Variants in PSMA1 observed in about 807,000 individuals in gnomAD.
PSMA1 encodes the protein proteasome 20S subunit alpha 1.
Under a neutral mutation model 38.4 loss-of-function variants are expected in PSMA1, and 3 were observed. The observed-to-expected ratio is 0.08, with a 90% CI of 0.04 to 0.20. The LOEUF (loss-of-function observed/expected upper bound fraction) is 0.20. Among genes scored for constraint, PSMA1 ranks in the 10% least tolerant of loss-of-function variants. PSMA1 has a pLI of 1.00. For missense variants in PSMA1, 227 were observed against 325.3 expected (o/e 0.70, Z 2.32); for synonymous variants, 101 against 107.1 (o/e 0.94, Z 0.35).
intron 2 of PSMA1, among the ~76,000 whole-genome samples, chr11:14,555,260 C>G (rs908118713): frequency 6.6e-6 from 1 of 152,180 alleles, no homozygotes; most frequent in Non-Finnish European, 1.5e-5. Context: ...TTTATGCTTG[C>G]TGCTAAAAAG....
chr11:14,505,299 T>C (rs1206078322), intron 9 of PSMA1, 51 bp from the exon 10 acceptor site: 7 of 1,362,000 alleles, frequency 5.1e-6, no homozygotes, highest in Non-Finnish European at 6.3e-6. Flanking sequence ...ACTTGATCAA[T>C]ATACACATCT....
intron 1 of PSMA1, among the ~76,000 whole-genome samples, chr11:14,639,880 C>T (rs371438094): frequency 6.6e-6 from 1 of 152,160 alleles, no homozygotes; most frequent in Non-Finnish European, 1.5e-5. Context: ...ACCTGCTACT[C>T]CTACTGTAGT....
At chr11:14,532,878 C>A (rs957624499) in intron 2 of PSMA1, among the ~76,000 whole-genome samples, 11 of 149,836 alleles carry the variant, frequency 7.3e-5, no homozygotes, top group African/African-American at 2.5e-4. Context: ...GGTGACAGAG[C>A]AAGACTCTGT....
intron 2 of PSMA1, among the ~76,000 whole-genome samples, chr11:14,607,209 T>G (rs146369414): frequency 2.7e-4 from 41 of 152,352 alleles, no homozygotes; most frequent in African/African-American, 9.1e-4. Context: ...AAAGAAACAC[T>G]GGAGTAGAGG....
chr11:14,507,556 A>G lies in PSMA1; in HGVS notation c.735+100T>C. ...CTGTTGCCATTTGAATTATGGGCCCATTTCAATATTTAAGACAAAATGGAA... is the reference window on the plus strand; with the variant it reads ...CTGTTGCCATTTGAATTATGGGCCCGTTTCAATATTTAAGACAAAATGGAA... On this transcript the variant is annotated intron_variant, in intron 9 of 9. Transcript: ENST00000396394. 8.6e-6 allele frequency: 7 copies of G among 816,378 alleles called. No homozygotes were observed. The South Asian group carries it at 1.1e-4, about 13-fold the overall frequency. 50.6% of individuals were successfully genotyped at this position (816,378 alleles called of 1,614,324 possible).
chr11:14,600,119 T>C (rs1291385631), intron 2 of PSMA1, among the ~76,000 whole-genome samples: 3 of 152,156 alleles, frequency 2.0e-5, no homozygotes, highest in Admixed American at 2.0e-4. Flanking sequence ...TCTGGAAGCT[T>C]CGTCCCAGAG....
At chr11:14,638,543 CTCTATATATATATATA>C (rs1394851029) in intron 1 of PSMA1, among the ~76,000 whole-genome samples, 80 of 13,298 alleles carry the variant, frequency 6.0e-3, no homozygotes, top group East Asian at 0.013. Context: ...CTCTCTCTCT[CTCTATATATATATATA>C]TATATATATA....
chr11:14,621,517 C>A (rs1852843256), intron 1 of PSMA1, among the ~76,000 whole-genome samples: 2 of 152,076 alleles, frequency 1.3e-5, no homozygotes, highest in Non-Finnish European at 2.9e-5. Flanking sequence ...GCTGTCCTCC[C>A]ACCTTGGCCT....
chr11:14,553,236 TC>T (rs1258820374), intron 2 of PSMA1, among the ~76,000 whole-genome samples: 2 of 152,116 alleles, frequency 1.3e-5, no homozygotes, highest in African/African-American at 4.8e-5. Context: ...TTATCCTGTT[TC>T]CCCCAATGGT....
intron 2 of PSMA1, among the ~76,000 whole-genome samples, chr11:14,576,804 CA>C (rs1852222718): frequency 6.6e-6 from 1 of 152,104 alleles, no homozygotes; most frequent in African/African-American, 2.4e-5. Context: ...TAGTTTTTTC[CA>C]ATTCTGTGAA....
chr11:14,570,335 G>T (rs1404795098), intron 2 of PSMA1, among the ~76,000 whole-genome samples: 1 of 152,212 alleles, frequency 6.6e-6, no homozygotes, highest in South Asian at 2.1e-4. Flanking sequence ...CTCCTCACCA[G>T]CAATGGAACA....
intron 2 of PSMA1, among the ~76,000 whole-genome samples, chr11:14,535,508 A>G (rs895093094): frequency 1.3e-5 from 2 of 149,256 alleles, no homozygotes; most frequent in Non-Finnish European, 3.0e-5. Flanking sequence ...CAATGGCACG[A>G]TCTCGGCTCA....
At chr11:14,638,567 ATATATATATATATATATATTTTTTTTT>A (rs1853151139) in intron 1 of PSMA1, among the ~76,000 whole-genome samples, 2 of 14,368 alleles carry the variant, frequency 1.4e-4, no homozygotes, top group East Asian at 1.8e-3. Context: ...ATATATATAT[ATATATATATATATATATATTTTTTTTT>A]TTTTTTTTTT....
At chr11:14,613,638 G>A (rs575412712) in intron 1 of PSMA1, among the ~76,000 whole-genome samples, 1 of 152,266 alleles carries the variant, frequency 6.6e-6, no homozygotes, top group African/African-American at 2.4e-5. Flanking sequence ...CTATATTTCT[G>A]AGATTTCAAA....
chr11:14,516,596 GCT>G (rs1401230133), intron 4 of PSMA1, among the ~76,000 whole-genome samples: 1 of 152,092 alleles, frequency 6.6e-6, no homozygotes, highest in Non-Finnish European at 1.5e-5. Context: ...TACCTGAAAG[GCT>G]CTGTGTTAGT....
At chr11:14,628,574 C>T (rs1490151238) in intron 1 of PSMA1, among the ~76,000 whole-genome samples, 3 of 150,340 alleles carry the variant, frequency 2.0e-5, no homozygotes, top group East Asian at 1.9e-4. Context: ...CATTGTTGGA[C>T]ATTTGGGTTG....
At chr11:14,583,083 C>T (rs756105073) in intron 2 of PSMA1, among the ~76,000 whole-genome samples, 1 of 152,218 alleles carries the variant, frequency 6.6e-6, no homozygotes, top group Non-Finnish European at 1.5e-5. Context: ...TTTCAACAAA[C>T]TTACAGGGAC....
intron 1 of PSMA1, among the ~76,000 whole-genome samples, chr11:14,618,991 C>A (rs904586211): frequency 1.3e-5 from 2 of 152,118 alleles, no homozygotes; most frequent in African/African-American, 2.4e-5. Flanking sequence ...GCCTCCACAG[C>A]CATTGTGCAT....
At chr11:14,612,160 G>A (rs969879448) in intron 1 of PSMA1, among the ~76,000 whole-genome samples, 9 of 152,198 alleles carry the variant, frequency 5.9e-5, no homozygotes, top group Admixed American at 3.9e-4. Flanking sequence ...CAAGTATGAT[G>A]TGGTGTGAAG....
Sources: gnomAD v4.1 joint callset for allele counts (sites outside exome capture counted in the v4.1 genomes callset) on GRCh38, gnomAD v4.1.1 for gene constraint, MANE v1.5 for transcripts, NCBI Gene and HGNC (gene_info 2026-07-23, HGNC 2026-07-21) for gene names.